Variants in HAO1 observed in about 807,000 individuals in gnomAD.
The protein encoded by HAO1 is 2-Hydroxyacid oxidase 1.
A neutral mutation model predicts 39.7 loss-of-function variants in HAO1; 34 were observed. The observed-to-expected ratio is 0.86, with a 90% CI of 0.65 to 1.14. The LOEUF is 1.14. Ranked by LOEUF, HAO1 falls within the 50% of genes most tolerant of loss-of-function variation. HAO1 has a pLI of 0.00. For synonymous variants in HAO1, 172 were observed against 173.2 expected, an observed-to-expected ratio of 0.99 and a Z score of 0.05; for missense variants, 479 against 464.5, an observed-to-expected ratio of 1.03 and a Z score of -0.29.
At position 7,904,334 on chromosome 20, in the gene HAO1, G is replaced by A. The variant is rs138642659; in HGVS notation, c.721+1820C>T. Among the ~76,000 whole-genome samples, 365 of 152,230 alleles carry A rather than the reference G, an allele frequency of 2.4e-3. 5 individuals are homozygous for A. In the East Asian group the frequency reaches 0.06, roughly 25 times the overall value. ...TTTGCCACCTCCATCCATTAGGTCC[G>A]TTGTGCAAAGCATGATTTCTGTAAA... On this transcript the variant is annotated intron_variant, in intron 4 of 7. Coordinates refer to ENST00000378789, the MANE Select transcript of HAO1 (RefSeq NM_017545.3).
At chr20:7,909,360 CATATATATATATATATATGTATATATAT>C (rs1555774011) in intron 3 of HAO1, among the ~76,000 whole-genome samples, 19 of 109,076 alleles carry the variant, frequency 1.7e-4, no homozygotes, top group African/African-American at 4.1e-4. Flanking sequence ...CGGATTATGA[CATATATATATATATATATGTATATATAT>C]ATATATATAT....
At chr20:7,894,448 A>T (rs573732236) in intron 5 of HAO1, among the ~76,000 whole-genome samples, 1 of 152,264 alleles carries the variant, frequency 6.6e-6, no homozygotes, top group Non-Finnish European at 1.5e-5. Context: ...TTAAAAAAAT[A>T]CTAGTGCCTA....
intron 3 of HAO1, among the ~76,000 whole-genome samples, chr20:7,908,205 C>T (rs2050257555): frequency 6.6e-6 from 1 of 151,962 alleles, no homozygotes; most frequent in South Asian, 2.1e-4. Context: ...GTCTGGCCAG[C>T]ATGATGAAAC....
At chr20:7,900,163 G>C (rs2050215126) in intron 4 of HAO1, among the ~76,000 whole-genome samples, 1 of 152,048 alleles carries the variant, frequency 6.6e-6, no homozygotes, top group Non-Finnish European at 1.5e-5. Flanking sequence ...AGAGTATCTT[G>C]AACAATGTAT....
At chr20:7,899,645 A>G (rs1381054401) in intron 4 of HAO1, among the ~76,000 whole-genome samples, 3 of 152,180 alleles carry the variant, frequency 2.0e-5, no homozygotes, top group African/African-American at 4.8e-5. Flanking sequence ...GAATTTCTAG[A>G]GAAGCAAAGA....
intron 4 of HAO1, among the ~76,000 whole-genome samples, chr20:7,898,018 C>G (rs1177532660): frequency 6.6e-6 from 1 of 152,162 alleles, no homozygotes; most frequent in African/African-American, 2.4e-5. Flanking sequence ...AGGACAGCAT[C>G]ATGTCATATT....
intron 1 of HAO1, among the ~76,000 whole-genome samples, chr20:7,936,097 A>T (rs1283777189): frequency 1.3e-5 from 2 of 152,246 alleles, no homozygotes; most frequent in Non-Finnish European, 2.9e-5. Flanking sequence ...TTTGTGGAAT[A>T]GCTAAGGGTC....
chr20:7,912,427 G>A lies in HAO1; in HGVS notation c.545+1737C>T, dbSNP rs138741450. On this transcript the variant is annotated intron_variant, in intron 3 of 7. Transcript: ENST00000378789. Reference sequence around the variant, plus strand: ...TAAAAACAAAACAAAAAACCCTACTGTACTTACTATTGTTGTTACTATTGT... The same window carrying A: ...TAAAAACAAAACAAAAAACCCTACTATACTTACTATTGTTGTTACTATTGT... Among the ~76,000 whole-genome samples, 361 of 152,182 alleles carry A rather than the reference G, an allele frequency of 2.4e-3. 2 individuals carry two copies. The highest frequency in any genetic ancestry group is 8.3e-3 in the African/African-American group (346 of 41,518).
intron 2 of HAO1, among the ~76,000 whole-genome samples, chr20:7,929,211 A>C (rs1489478688): frequency 6.6e-6 from 1 of 152,238 alleles, no homozygotes; most frequent in Non-Finnish European, 1.5e-5. Context: ...ACAAAGAAAA[A>C]GAACAATTTT....
chr20:7,914,407 A>G lies in HAO1; in HGVS notation c.302T>C (p.Leu101Pro). The G allele has an allele frequency of 6.2e-7, 1 of 1,613,348 alleles. No homozygotes were observed. Among genetic ancestry groups the G allele is most frequent in the Non-Finnish European group, 8.5e-7 (1 of 1,179,560 alleles). The stretch of plus-strand genomic sequence containing the variant: ...GGAACTCAACATCATGCCCGTTCCC[A>G]GGGACTGACAGGCTGAGAAAGAAAG... ...ELATVRACQSLGTGMMLSSWA... is the reference protein window; with the variant it reads ...ELATVRACQSPGTGMMLSSWA... The change falls in exon 3 of 8, where the codon CTG becomes CCG. Residue 101 changes from leucine to proline, a missense_variant. Leu to Pro is a moderately conservative substitution (Grantham distance 98). Transcript: ENST00000378789.
chr20:7,912,580 TAAAA>T (rs3031711), intron 3 of HAO1, among the ~76,000 whole-genome samples: 7 of 147,424 alleles, frequency 4.7e-5, no homozygotes, highest in South Asian at 2.1e-4. Context: ...AGAAAGTCTT[TAAAA>T]AAAAAAAAAA....
intron 5 of HAO1, among the ~76,000 whole-genome samples, chr20:7,889,618 G>GT (rs1326252757): frequency 6.6e-6 from 1 of 152,140 alleles, no homozygotes; most frequent in African/African-American, 2.4e-5. Context: ...ATGAACTGAA[G>GT]TTAAATTATT....
chr20:7,894,377 T>C (rs1373157367), intron 5 of HAO1, among the ~76,000 whole-genome samples: 2 of 152,176 alleles, frequency 1.3e-5, no homozygotes, highest in East Asian at 3.9e-4. Context: ...GATTTTGGAC[T>C]CTGATTTGCC....
chr20:7,937,051 G>A (rs978354323), intron 1 of HAO1, among the ~76,000 whole-genome samples: 2 of 151,994 alleles, frequency 1.3e-5, no homozygotes, highest in East Asian at 3.9e-4. Flanking sequence ...ATAATAAACC[G>A]TTTTCAAAGG....
At chr20:7,936,410 C>T (rs998556493) in intron 1 of HAO1, among the ~76,000 whole-genome samples, 1 of 151,898 alleles carries the variant, frequency 6.6e-6, no homozygotes, top group African/African-American at 2.4e-5. Context: ...CAGCCATTGG[C>T]ATGCCAGCCT....
At position 7,903,927 on chromosome 20, in the gene HAO1, C is replaced by G. The variant is rs1037060626; in HGVS notation, c.721+2227G>C. 2.6e-5 allele frequency among the ~76,000 whole-genome samples: 4 copies of G among 151,570 alleles called. No homozygotes were observed. In the Middle Eastern group the frequency reaches 0.014, roughly 516 times the overall value. On this transcript the variant is annotated intron_variant, in intron 4 of 7. Coordinates refer to ENST00000378789, the MANE Select transcript of HAO1 (RefSeq NM_017545.3). ...GCAGTGGTCCTAGCTAAAGTGATAA[C>G]AGAATGAAGATCTAGAAACCAAAAT...
chr20:7,919,178 C>T (rs755242845), intron 2 of HAO1, among the ~76,000 whole-genome samples: 5 of 152,090 alleles, frequency 3.3e-5, no homozygotes, highest in African/African-American at 9.7e-5. Context: ...TTGTAATAGA[C>T]GGTATATCCT....
intron 4 of HAO1, among the ~76,000 whole-genome samples, chr20:7,902,762 C>G (rs533794840): frequency 6.6e-6 from 1 of 152,140 alleles, no homozygotes; most frequent in African/African-American, 2.4e-5. Context: ...CTGAAAAAAG[C>G]CATTTGTTTG....
chr20:7,906,696 A>C (rs2050249966), intron 3 of HAO1, among the ~76,000 whole-genome samples: 1 of 152,230 alleles, frequency 6.6e-6, no homozygotes, highest in African/African-American at 2.4e-5. Flanking sequence ...ATCACAATTT[A>C]AAAAGCATTT....
Sources: allele counts gnomAD v4.1 joint callset (sites outside exome capture counted in the v4.1 genomes callset), GRCh38; gene constraint gnomAD v4.1.1; transcripts MANE v1.5; gene names NCBI Gene and HGNC (gene_info 2026-07-23, HGNC 2026-07-21).